The following DNAJC3 variants were observed in gnomAD, a reference collection of about 807,000 sequenced individuals.
DNAJC3 encodes dnaJ homolog subfamily C member 3.
Under a neutral mutation model 68.6 loss-of-function variants are expected in DNAJC3, and 38 were observed. The observed-to-expected ratio is 0.55, with a 90% CI of 0.43 to 0.73. The LOEUF (loss-of-function observed/expected upper bound fraction) is 0.73, where lower values mean the gene tolerates loss of function less well. Among genes scored for constraint, DNAJC3 ranks in the 30% least tolerant of loss-of-function variants. The pLI is 0.00. For missense variants in DNAJC3, 526 were observed against 591.9 expected, an observed-to-expected ratio of 0.89 and a Z score of 1.16; for synonymous variants, 203 against 204.0, an observed-to-expected ratio of 1.00 and a Z score of 0.04.
intron 4 of DNAJC3, among the ~76,000 whole-genome samples, chr13:95,743,996 A>T (rs1047270324): frequency 7.2e-5 from 11 of 152,204 alleles, no homozygotes; most frequent in African/African-American, 2.7e-4. Flanking sequence ...GTCTGTGTTT[A>T]TAAAAAGTCT....
At chr13:95,789,990 TTTAAG>T (rs1301062054) in intron 11 of DNAJC3, among the ~76,000 whole-genome samples, 2 of 152,178 alleles carry the variant, frequency 1.3e-5, no homozygotes, top group Non-Finnish European at 2.9e-5. Context: ...TTCTTGTACA[TTTAAG>T]TTCTTTGTAG....
chr13:95,729,853 T>C (rs924612978), intron 4 of DNAJC3, among the ~76,000 whole-genome samples: 1 of 152,214 alleles, frequency 6.6e-6, no homozygotes, highest in Non-Finnish European at 1.5e-5. Flanking sequence ...TGGGATTATT[T>C]GTTTTCTTAC....
intron 4 of DNAJC3, among the ~76,000 whole-genome samples, chr13:95,755,910 T>G (rs1172663226): frequency 2.0e-5 from 3 of 151,636 alleles, no homozygotes; most frequent in Admixed American, 2.0e-4. Flanking sequence ...GAATCCTCTC[T>G]CCCTCTTCCC....
At chr13:95,706,383 T>C (rs1269358391) in intron 1 of DNAJC3, among the ~76,000 whole-genome samples, 1 of 152,254 alleles carries the variant, frequency 6.6e-6, no homozygotes, top group Non-Finnish European at 1.5e-5. Flanking sequence ...AGAGCCAATG[T>C]AGTGTTATAT....
chr13:95,748,533 C>T (rs1026060647), intron 4 of DNAJC3, among the ~76,000 whole-genome samples: 3 of 152,084 alleles, frequency 2.0e-5, no homozygotes, highest in Non-Finnish European at 4.4e-5. Flanking sequence ...ACCAAAGTTT[C>T]GGCTGGGTGA....
In DNAJC3 at chr13:95,760,204, C is replaced by A. The variant is rs373253512; in HGVS notation, c.711C>A (p.Asp237Glu). Residue 237 changes from aspartate (D) to glutamate (E), a missense_variant, in exon 6 of 12, where the codon GAC (aspartate) becomes GAA (glutamate). By Grantham distance (45) the Asp-to-Glu change is conservative (BLOSUM62 2). Transcript: ENST00000602402. ...GCACACTGTACTACCAACTAGGAGACCACGAACTGTCCCTCAGGTCAGTTC... is the reference window on the plus strand; with the variant it reads ...GCACACTGTACTACCAACTAGGAGAACACGAACTGTCCCTCAGGTCAGTTC... ...KISTLYYQLG[D>E]HELSLSEVRE... 1.3e-6 allele frequency: 2 copies of A among 1,592,108 alleles called. No homozygotes were observed. The highest frequency in any genetic ancestry group is 1.7e-6 in the Non-Finnish European group (2 of 1,169,202).
intron 1 of DNAJC3, among the ~76,000 whole-genome samples, chr13:95,690,984 C>G (rs1218463485): frequency 1.7e-4 from 25 of 145,126 alleles, no homozygotes; most frequent in Non-Finnish European, 1.4e-4. Flanking sequence ...CCCCCACCTC[C>G]CTCCCGGATG....
In DNAJC3 at chr13:95,735,088, G is replaced by A. The variant is rs1167393603; in HGVS notation, c.393+9836G>A. 5.3e-5 allele frequency among the ~76,000 whole-genome samples: 8 copies of A among 150,554 alleles called. No individual in the cohort carries two copies. In the East Asian group the frequency reaches 9.8e-4, roughly 18 times the overall value. ...ATGCAGTGTTTTGTTTTTTGTTCTT[G>A]CGATAGTTTACTGAGAATGATGATT... On this transcript the variant is annotated intron_variant, in intron 4 of 11. Transcript: ENST00000602402.
In DNAJC3 at chr13:95,734,330, T is replaced by G. The variant is rs1023026710; in HGVS notation, c.393+9078T>G. 2.6e-5 allele frequency among the ~76,000 whole-genome samples: 4 copies of G among 152,210 alleles called. No individual in the cohort carries two copies. In the South Asian group the frequency reaches 8.3e-4, roughly 32 times the overall value. ...GGTTGACAGTTTTCTCTTAGCACTTTGAGTATATCATTCCATTCCCTGCAG... is the reference window on the plus strand; with the variant it reads ...GGTTGACAGTTTTCTCTTAGCACTTGGAGTATATCATTCCATTCCCTGCAG... On this transcript the variant is annotated intron_variant, in intron 4 of 11. Coordinates refer to ENST00000602402, the MANE Select transcript of DNAJC3 (RefSeq NM_006260.5).
chr13:95,709,212 T>A lies in DNAJC3; in HGVS notation c.83-15T>A. 6.7e-7 allele frequency: 1 copy of A among 1,501,074 alleles called. No homozygotes were observed. Among genetic ancestry groups the A allele is most frequent in the East Asian group, 2.5e-5 (1 of 40,776 alleles). The allele number at this position is 1,501,074 out of a possible 1,614,324, so 93.0% of individuals were successfully genotyped here. On this transcript the variant is annotated splice_polypyrimidine_tract_variant and intron_variant, in intron 1 of 11. Transcript: ENST00000602402. ...TCGTGGAAAGTTAACTGATTGTTTT[T>A]AATTTTATTTTTAGGTGCTGAATGT...
chr13:95,748,583 A>C (rs1882380323), intron 4 of DNAJC3, among the ~76,000 whole-genome samples: 1 of 152,212 alleles, frequency 6.6e-6, no homozygotes, highest in African/African-American at 2.4e-5. Flanking sequence ...TGGGAGGTCA[A>C]GGTGGGCAGA....
At chr13:95,785,603 C>A (rs763582867) in intron 9 of DNAJC3, among the ~76,000 whole-genome samples, 6 of 151,070 alleles carry the variant, frequency 4.0e-5, no homozygotes, top group Non-Finnish European at 8.8e-5. Context: ...GGACTACAGG[C>A]GTGCACCACC....
At chr13:95,716,404 C>T (rs1881147945) in intron 2 of DNAJC3, among the ~76,000 whole-genome samples, 2 of 152,174 alleles carry the variant, frequency 1.3e-5, no homozygotes, top group Non-Finnish European at 2.9e-5. Flanking sequence ...GTGTGTGTTA[C>T]AGTGTGCTGC....
rs781504330 is a variant in DNAJC3 at position 95,677,252 on chromosome 13, G to A, written c.-4G>A. ...TCCTCCTCTTCACTCGCGAGCCCTC[G>A]GACATGGTGGCCCCCGGCTCCGTGA... On this transcript the variant is annotated 5_prime_UTR_variant, in exon 1 of 12. Coordinates refer to ENST00000602402, the MANE Select transcript of DNAJC3 (RefSeq NM_006260.5). The A allele has an allele frequency of 3.7e-6, 6 of 1,602,458 alleles. No individual in the cohort carries two copies. The highest frequency in any genetic ancestry group is 5.1e-6 in the Non-Finnish European group (6 of 1,175,574).
At chr13:95,788,488 T>TAAAG (rs1452833933) in intron 11 of DNAJC3, among the ~76,000 whole-genome samples, 1 of 152,236 alleles carries the variant, frequency 6.6e-6, no homozygotes, top group East Asian at 1.9e-4. Context: ...TCTTTTCTTT[T>TAAAG]AAAGACTTTA....
intron 9 of DNAJC3, among the ~76,000 whole-genome samples, chr13:95,782,976 G>A (rs1341625994): frequency 6.6e-6 from 1 of 152,122 alleles, no homozygotes; most frequent in Non-Finnish European, 1.5e-5. Flanking sequence ...AGTCCACCTC[G>A]AGTTAATTTT....
At chr13:95,728,245 A>G (rs1029614962) in intron 4 of DNAJC3, among the ~76,000 whole-genome samples, 2 of 152,138 alleles carry the variant, frequency 1.3e-5, no homozygotes, top group Non-Finnish European at 2.9e-5. Context: ...ACTGGGTTGT[A>G]TGGTTATTGC....
intron 1 of DNAJC3, among the ~76,000 whole-genome samples, chr13:95,682,363 C>T (rs1879939474): frequency 6.6e-6 from 1 of 152,090 alleles, no homozygotes; most frequent in Admixed American, 6.5e-5. Context: ...TGGTCTGGGT[C>T]TGCCACCGCC....
chr13:95,728,419 A>G (rs1178775453), intron 4 of DNAJC3, among the ~76,000 whole-genome samples: 1 of 152,192 alleles, frequency 6.6e-6, no homozygotes, highest in African/African-American at 2.4e-5. Flanking sequence ...TTCTCTGATT[A>G]CTAATGATGT....
Sources: gnomAD v4.1 joint callset for allele counts (sites outside exome capture counted in the v4.1 genomes callset) on GRCh38, gnomAD v4.1.1 for gene constraint, MANE v1.5 for transcripts, NCBI Gene and HGNC (gene_info 2026-07-23, HGNC 2026-07-21) for gene names.